Variants in RORA observed in about 807,000 individuals in gnomAD.
RORA encodes the protein nuclear receptor ROR-alpha.
RORA carries 7 observed loss-of-function variants against 69.5 expected under a neutral mutation model. That is an observed-to-expected ratio of 0.10 (90% CI 0.06 to 0.19). The LOEUF (loss-of-function observed/expected upper bound fraction) is 0.19. Ranked by LOEUF, RORA falls within the 10% of genes least tolerant of loss-of-function variation. The probability of loss-of-function intolerance (pLI) is 1.00; values close to 1 mark genes in which losing one functional copy is unlikely to be tolerated. For missense variants in RORA, 457 were observed against 663.0 expected, an observed-to-expected ratio of 0.69 and a Z score of 3.41; for synonymous variants, 261 against 240.8, an observed-to-expected ratio of 1.08 and a Z score of -0.78.
chr15:60,852,665 T>C (rs139063819), intron 1 of RORA, among the ~76,000 whole-genome samples: 571 of 152,232 alleles, frequency 3.8e-3, no homozygotes, highest in Middle Eastern at 0.01. Flanking sequence ...GTAGAATAAA[T>C]AATGAGACCT....
chr15:61,131,609 T>C lies in RORA; in HGVS notation c.166+97444A>G, dbSNP rs2079191097. Among the ~76,000 whole-genome samples the C allele has an allele frequency of 6.6e-6, 1 of 152,252 alleles. No individual in the cohort carries two copies. On this transcript the variant is annotated intron_variant, in intron 1 of 10. Transcript: ENST00000335670. This position sits in a 1 kb window ranked among gnomAD's most constrained non-coding sequence, Gnocchi z 4.2. ...GTAATAATGTTATTAATAGAACATG[T>C]GCTACACTACTGACTATCCGTTAGA...
At chr15:60,575,743 C>G (rs1567098837) in intron 2 of RORA, among the ~76,000 whole-genome samples, 2 of 152,088 alleles carry the variant, frequency 1.3e-5, no homozygotes, top group Non-Finnish European at 2.9e-5. Flanking sequence ...TAATGCAAAA[C>G]TTAGCTTATA....
At chr15:60,599,506 G>A (rs576502199) in intron 2 of RORA, among the ~76,000 whole-genome samples, 5 of 152,174 alleles carry the variant, frequency 3.3e-5, no homozygotes, top group African/African-American at 4.8e-5. Flanking sequence ...AGCTGAGATC[G>A]TGTCACTGCA....
At chr15:61,227,801 G>T (rs1868767651) in intron 1 of RORA, among the ~76,000 whole-genome samples, 1 of 152,146 alleles carries the variant, frequency 6.6e-6, no homozygotes, top group South Asian at 2.1e-4. Context: ...GGCGGCTCGC[G>T]CGAGCACGCT....
At chr15:61,075,958 G>A (rs2078442947) in intron 1 of RORA, among the ~76,000 whole-genome samples, 1 of 152,152 alleles carries the variant, frequency 6.6e-6, no homozygotes, top group South Asian at 2.1e-4. Context: ...GAGAGAAGCT[G>A]CCACATTGTT....
Position 60,868,142 on chromosome 15 carries a change from T to G in RORA, c.167-189456A>C, listed in dbSNP as rs73430050. Among the ~76,000 whole-genome samples the G allele has an allele frequency of 3.7e-3, 557 of 152,336 alleles. 4 individuals are homozygous for G. The highest frequency in any genetic ancestry group is 0.012 in the African/African-American group (492 of 41,566). ...TAGCATGGTGCCAGAATTTTAGCAG[T>G]TAATAACTACTGCTTGATTTATAGG... is the stretch of plus-strand genomic sequence containing the variant. On this transcript the variant is annotated intron_variant, in intron 1 of 10. Transcript: ENST00000335670.
intron 1 of RORA, among the ~76,000 whole-genome samples, chr15:60,746,139 C>A (rs1361794895): frequency 6.6e-6 from 1 of 152,128 alleles, no homozygotes; most frequent in Non-Finnish European, 1.5e-5. Context: ...AAGTATGTGT[C>A]CAACACAGTC....
At chr15:60,503,886 T>A (rs1352985543) in intron 6 of RORA, among the ~76,000 whole-genome samples, 4 of 152,294 alleles carry the variant, frequency 2.6e-5, no homozygotes, top group Non-Finnish European at 4.4e-5. Flanking sequence ...CACTGCAACC[T>A]CTGCCTCCTG....
At chr15:60,795,495 G>A (rs1476341008) in intron 1 of RORA, among the ~76,000 whole-genome samples, 1 of 152,234 alleles carries the variant, frequency 6.6e-6, no homozygotes, top group Admixed American at 6.5e-5. Flanking sequence ...AGCTCCCTGA[G>A]GGAAGGCTCA....
chr15:60,572,289 G>C (rs57927169), intron 2 of RORA, among the ~76,000 whole-genome samples: 6,497 of 152,248 alleles, frequency 0.043, 469 homozygotes, highest in African/African-American at 0.15. Flanking sequence ...GACAATCACT[G>C]AGAAATGTGT....
At chr15:60,729,052 C>T (rs148069215) in intron 1 of RORA, among the ~76,000 whole-genome samples, 3,166 of 152,194 alleles carry the variant, frequency 0.021, 44 homozygotes, top group Middle Eastern at 0.061. Context: ...GGTGTAATTA[C>T]CACTAGCAGG....
At chr15:60,887,141 TGAGA>T (rs3053903) in intron 1 of RORA, among the ~76,000 whole-genome samples, 434 of 146,940 alleles carry the variant, frequency 3.0e-3, no homozygotes, top group Non-Finnish European at 3.4e-3. Context: ...TTGCCAGAGC[TGAGA>T]GAGAGAGAGA....
intron 1 of RORA, among the ~76,000 whole-genome samples, chr15:61,123,872 G>C (rs1179981385): frequency 2.6e-5 from 4 of 152,188 alleles, no homozygotes; most frequent in Non-Finnish European, 5.9e-5. Flanking sequence ...CCTACATGCT[G>C]GGGCCAACCA....
chr15:60,549,379 T>C (rs1277463892), intron 2 of RORA, among the ~76,000 whole-genome samples: 1 of 152,168 alleles, frequency 6.6e-6, no homozygotes, highest in Non-Finnish European at 1.5e-5. Flanking sequence ...TCATTGCCCA[T>C]GAATTAATTT....
At chr15:60,730,932 G>A (rs949345418) in intron 1 of RORA, among the ~76,000 whole-genome samples, 1 of 151,796 alleles carries the variant, frequency 6.6e-6, no homozygotes, top group Non-Finnish European at 1.5e-5. Flanking sequence ...AAGTCCAGGG[G>A]TACACCTGGT....
intron 1 of RORA, among the ~76,000 whole-genome samples, chr15:60,768,302 T>A (rs1471942464): frequency 2.0e-5 from 3 of 152,126 alleles, no homozygotes; most frequent in Non-Finnish European, 4.4e-5. Flanking sequence ...ATGGAACAGG[T>A]AATGAGGAAA....
At chr15:60,965,937 A>C (rs1435736393) in intron 1 of RORA, among the ~76,000 whole-genome samples, 1 of 152,204 alleles carries the variant, frequency 6.6e-6, no homozygotes, top group African/African-American at 2.4e-5. Context: ...AGGCTACCGT[A>C]ATAGAGTATG....
chr15:61,100,977 T>C (rs2078870384), intron 1 of RORA, among the ~76,000 whole-genome samples: 1 of 152,234 alleles, frequency 6.6e-6, no homozygotes, highest in Non-Finnish European at 1.5e-5. Flanking sequence ...ATTGATAGTT[T>C]ATGACTGTCT....
chr15:60,525,826 T>A (rs2066335284), intron 3 of RORA, among the ~76,000 whole-genome samples: 1 of 152,128 alleles, frequency 6.6e-6, no homozygotes, highest in Admixed American at 6.5e-5. Context: ...TGCAATTTTA[T>A]TTATCTTGGC....
Sources: allele counts gnomAD v4.1 joint callset (sites outside exome capture counted in the v4.1 genomes callset), GRCh38; gene constraint gnomAD v4.1.1; non-coding constraint Gnocchi (gnomAD v3.1); transcripts MANE v1.5; gene names NCBI Gene and HGNC (gene_info 2026-07-23, HGNC 2026-07-21).